Variants in DACH1 observed in about 807,000 individuals in gnomAD.
DACH1 encodes the protein dachshund homolog 1.
A neutral mutation model predicts 54.2 loss-of-function variants in DACH1; 12 were observed. The observed-to-expected ratio is 0.22, with a 90% CI of 0.14 to 0.36. The LOEUF (loss-of-function observed/expected upper bound fraction) is 0.36, where lower values mean the gene tolerates loss of function less well. DACH1 is among the 10% of genes least tolerant of loss of function. The pLI, the probability that DACH1 is intolerant of heterozygous loss-of-function variation, is 1.00. For missense variants in DACH1, 805 were observed against 929.8 expected (o/e 0.87, Z 1.75); for synonymous variants, 386 against 366.2 (o/e 1.05, Z -0.62).
At chr13:71,754,793 G>A (rs1251487455) in intron 1 of DACH1, among the ~76,000 whole-genome samples, 8 of 150,182 alleles carry the variant, frequency 5.3e-5, no homozygotes, top group Admixed American at 1.3e-4. Flanking sequence ...CGTAAAAAAC[G>A]CCACTATCTG....
chr13:71,449,014 C>T (rs1335269047), intron 10 of DACH1, among the ~76,000 whole-genome samples: 4 of 151,996 alleles, frequency 2.6e-5, no homozygotes, highest in Admixed American at 1.3e-4. Context: ...GGTACTTTGT[C>T]TGTACACTCC....
At chr13:71,492,664 A>C (rs1439827904) in intron 6 of DACH1, among the ~76,000 whole-genome samples, 1 of 151,578 alleles carries the variant, frequency 6.6e-6, no homozygotes, top group African/African-American at 2.4e-5. Context: ...CCAGTTCACC[A>C]ATTGTTTACA....
At chr13:71,609,733 G>A (rs1414500073) in intron 3 of DACH1, among the ~76,000 whole-genome samples, 1 of 152,058 alleles carries the variant, frequency 6.6e-6, no homozygotes, top group East Asian at 1.9e-4. Context: ...CACCATGTTG[G>A]TCAGGCTGGT....
At chr13:71,777,413 A>G (rs998667068) in intron 1 of DACH1, among the ~76,000 whole-genome samples, 1 of 152,144 alleles carries the variant, frequency 6.6e-6, no homozygotes, top group Non-Finnish European at 1.5e-5. Flanking sequence ...AGCATTAAGT[A>G]GACAAAATTT....
intron 2 of DACH1, among the ~76,000 whole-genome samples, chr13:71,650,238 T>C (rs17088366): frequency 0.029 from 4,352 of 152,292 alleles, 153 homozygotes; most frequent in Admixed American, 0.08. Flanking sequence ...CAAGAGCACA[T>C]CAGCAATGTT....
At chr13:71,817,263 G>A (rs987957266) in intron 1 of DACH1, among the ~76,000 whole-genome samples, 7 of 152,178 alleles carry the variant, frequency 4.6e-5, no homozygotes, top group Non-Finnish European at 1.0e-4. Flanking sequence ...CAGTGGAACT[G>A]TCCAAGTCAT....
intron 6 of DACH1, among the ~76,000 whole-genome samples, chr13:71,533,238 G>C (rs1022151521): frequency 4.0e-5 from 6 of 151,880 alleles, no homozygotes; most frequent in African/African-American, 7.2e-5. Flanking sequence ...ATTGCAATTA[G>C]AGAAATTTTT....
intron 2 of DACH1, among the ~76,000 whole-genome samples, chr13:71,680,976 A>G (rs1392642392): frequency 6.6e-6 from 1 of 151,994 alleles, no homozygotes; most frequent in Non-Finnish European, 1.5e-5. Context: ...ATTATAATAC[A>G]TGACATTTAT....
At chr13:71,450,177 T>TC (rs1874901537) in intron 10 of DACH1, among the ~76,000 whole-genome samples, 1 of 151,700 alleles carries the variant, frequency 6.6e-6, no homozygotes, top group African/African-American at 2.4e-5. Context: ...TACTTTTTTT[T>TC]TTTTTTTGGT....
At chr13:71,653,860 T>C (rs1013645417) in intron 2 of DACH1, among the ~76,000 whole-genome samples, 1 of 152,192 alleles carries the variant, frequency 6.6e-6, no homozygotes, top group African/African-American at 2.4e-5. Context: ...TACTTAGCAA[T>C]ACTGTGACGT....
At chr13:71,842,275 C>T (rs553988707) in intron 1 of DACH1, among the ~76,000 whole-genome samples, 2 of 152,212 alleles carry the variant, frequency 1.3e-5, no homozygotes, top group African/African-American at 4.8e-5. Context: ...GGAGAAAACG[C>T]TTTATAGTGC....
At chr13:71,559,045 T>C (rs61957823) in intron 5 of DACH1, among the ~76,000 whole-genome samples, 52 of 152,198 alleles carry the variant, frequency 3.4e-4, no homozygotes, top group Non-Finnish European at 6.6e-4. Flanking sequence ...ATAGGTTTTA[T>C]CAAACAAGTT....
At chr13:71,676,385 T>A (rs1594085181) in intron 2 of DACH1, among the ~76,000 whole-genome samples, 1 of 152,104 alleles carries the variant, frequency 6.6e-6, no homozygotes, top group African/African-American at 2.4e-5. Flanking sequence ...GCCCAGCTAA[T>A]TTTTGTATTT....
intron 6 of DACH1, among the ~76,000 whole-genome samples, chr13:71,491,454 CT>C (rs1878972981): frequency 6.6e-6 from 1 of 152,014 alleles, no homozygotes; most frequent in Non-Finnish European, 1.5e-5. Flanking sequence ...CATTTTGGGC[CT>C]CGTGGTTTCA....
At chr13:71,701,773 G>C (rs533762935) in intron 1 of DACH1, among the ~76,000 whole-genome samples, 5 of 152,080 alleles carry the variant, frequency 3.3e-5, no homozygotes, top group Non-Finnish European at 5.9e-5. Context: ...AATTAATTCA[G>C]AGTAATAAAA....
chr13:71,461,035 A>T (rs529643892), intron 10 of DACH1, among the ~76,000 whole-genome samples: 23 of 152,182 alleles, frequency 1.5e-4, no homozygotes, highest in African/African-American at 5.1e-4. Context: ...TCTTAGGGAA[A>T]TACAAGCCTA....
At chr13:71,841,079 T>C (rs1872807535) in intron 1 of DACH1, among the ~76,000 whole-genome samples, 1 of 152,184 alleles carries the variant, frequency 6.6e-6, no homozygotes, top group Non-Finnish European at 1.5e-5. Context: ...CTGTATATTT[T>C]CTGAAACCTA....
At chr13:71,837,420 ACT>A (rs1440080718) in intron 1 of DACH1, among the ~76,000 whole-genome samples, 1 of 151,848 alleles carries the variant, frequency 6.6e-6, no homozygotes, top group Non-Finnish European at 1.5e-5. Flanking sequence ...TTTTTTTAAC[ACT>A]CTGCTGAAGT....
chr13:71,506,176 T>C (rs1343305130), intron 6 of DACH1, among the ~76,000 whole-genome samples: 2 of 151,982 alleles, frequency 1.3e-5, no homozygotes, highest in Non-Finnish European at 2.9e-5. Context: ...AGGGTACATG[T>C]GCACATTGTG....
Sources: gnomAD v4.1 joint callset for allele counts (sites outside exome capture counted in the v4.1 genomes callset) on GRCh38, gnomAD v4.1.1 for gene constraint, MANE v1.5 for transcripts, NCBI Gene and HGNC (gene_info 2026-07-23, HGNC 2026-07-21) for gene names.